The following MAF variants were observed in gnomAD, a reference collection of about 807,000 sequenced individuals.
The protein encoded by MAF is transcription factor Maf.
A neutral mutation model predicts 22.0 loss-of-function variants in MAF; 10 were observed. The ratio of observed to expected loss-of-function variants is 0.45; its 90% confidence interval spans 0.28 to 0.77. The LOEUF (loss-of-function observed/expected upper bound fraction) is 0.77, where lower values mean the gene tolerates loss of function less well. MAF is among the 30% of genes least tolerant of loss of function. The pLI is 0.12. For synonymous variants in MAF, 337 were observed against 255.8 expected, an observed-to-expected ratio of 1.32 and a Z score of -3.03; for missense variants, 544 against 548.4, an observed-to-expected ratio of 0.99 and a Z score of 0.08.
chr16:79,321,198 G>A, the MAF span, among the ~76,000 whole-genome samples: 138,400 of 152,232 alleles, frequency 0.91, 63,337 homozygotes, highest in Non-Finnish European at 0.96. Context: ...CTCCACCAGG[G>A]AAATTCCACA....
chr16:79,280,052 G>A, the MAF span, among the ~76,000 whole-genome samples: 1 of 152,196 alleles, frequency 6.6e-6, no homozygotes, highest in African/African-American at 2.4e-5. Context: ...TGATGATGAT[G>A]TGAGGCCACA....
chr16:79,228,906 C>T, the MAF span, among the ~76,000 whole-genome samples: 1 of 151,854 alleles, frequency 6.6e-6, no homozygotes, highest in East Asian at 1.9e-4. Context: ...GTTCCTCCCT[C>T]CAGCAACATC....
the MAF span, among the ~76,000 whole-genome samples, chr16:79,343,305 T>C: frequency 6.6e-6 from 1 of 151,990 alleles, no homozygotes; most frequent in East Asian, 1.9e-4. Flanking sequence ...CTCATGAGTG[T>C]CTCGCAGCAT....
At chr16:79,266,739 T>G in the MAF span, among the ~76,000 whole-genome samples, 1 of 152,190 alleles carries the variant, frequency 6.6e-6, no homozygotes, top group Non-Finnish European at 1.5e-5. Flanking sequence ...GGTCATGTAA[T>G]AAACATTTTT....
At chr16:79,509,559 C>A in the MAF span, among the ~76,000 whole-genome samples, 1 of 152,242 alleles carries the variant, frequency 6.6e-6, no homozygotes, top group Non-Finnish European at 1.5e-5. Flanking sequence ...TCCCGCCTCC[C>A]ACCCGCCTTC....
At chr16:79,357,253 C>CTCA in the MAF span, among the ~76,000 whole-genome samples, 3,269 of 146,040 alleles carry the variant, frequency 0.022, 128 homozygotes, top group African/African-American at 0.079. Flanking sequence ...AAGACTCTGT[C>CTCA]ACAACAACAA....
chr16:79,499,111 C>A, the MAF span, among the ~76,000 whole-genome samples: 1 of 152,208 alleles, frequency 6.6e-6, no homozygotes, highest in Non-Finnish European at 1.5e-5. Context: ...TACTCGAAGC[C>A]AACTTGCAAT....
chr16:79,278,779 G>A, the MAF span, among the ~76,000 whole-genome samples: 1 of 152,164 alleles, frequency 6.6e-6, no homozygotes, highest in Admixed American at 6.5e-5. Context: ...CAGGGGGACA[G>A]GAGATGGCTC....
the MAF span, among the ~76,000 whole-genome samples, chr16:79,265,280 A>AATCCTGACTATC: frequency 6.6e-6 from 1 of 152,196 alleles, no homozygotes; most frequent in African/African-American, 2.4e-5. Context: ...ACAATACTTT[A>AATCCTGACTATC]ATCCTGACTA....
At chr16:79,463,383 T>C in the MAF span, among the ~76,000 whole-genome samples, 2 of 152,226 alleles carry the variant, frequency 1.3e-5, no homozygotes, top group African/African-American at 2.4e-5. Flanking sequence ...CTTACCTTGA[T>C]GCCCTGAAAG....
the MAF span, among the ~76,000 whole-genome samples, chr16:79,333,516 C>T: frequency 6.6e-6 from 1 of 152,124 alleles, no homozygotes; most frequent in African/African-American, 2.4e-5. Context: ...ACCCAAGACC[C>T]CAGGAGGCAT....
At chr16:79,234,652 G>A in the MAF span, among the ~76,000 whole-genome samples, 1 of 152,076 alleles carries the variant, frequency 6.6e-6, no homozygotes, top group African/African-American at 2.4e-5. Flanking sequence ...AACTGGCCAA[G>A]CCCACACCTT....
the MAF span, among the ~76,000 whole-genome samples, chr16:79,555,764 T>C: frequency 6.6e-6 from 1 of 152,214 alleles, no homozygotes; most frequent in Non-Finnish European, 1.5e-5. Flanking sequence ...TCCAAGACAC[T>C]TCTGATCTCA....
the MAF span, among the ~76,000 whole-genome samples, chr16:79,215,925 T>C: frequency 6.6e-6 from 1 of 152,172 alleles, no homozygotes. Flanking sequence ...CTCATGCCCA[T>C]TTCTCCCTGA....
the MAF span, among the ~76,000 whole-genome samples, chr16:79,361,678 T>A: frequency 6.6e-6 from 1 of 151,564 alleles, no homozygotes; most frequent in African/African-American, 2.4e-5. Context: ...CACGAAAGAT[T>A]GGTTTTTTTT....
chr16:79,271,674 T>A, the MAF span, among the ~76,000 whole-genome samples: 301 of 152,350 alleles, frequency 2.0e-3, no homozygotes, highest in African/African-American at 6.9e-3. Context: ...TCAATATCCA[T>A]CTCTACTGCT....
the MAF span, among the ~76,000 whole-genome samples, chr16:79,430,774 C>A: frequency 2.0e-5 from 3 of 152,236 alleles, no homozygotes; most frequent in Non-Finnish European, 2.9e-5. Flanking sequence ...GTGAGCACGG[C>A]CCCCAGTCCC....
chr16:79,598,911 T>G lies in MAF; in HGVS notation c.992A>C (p.Lys331Thr), dbSNP rs1913774587. ...NQLLQQVDHLKQEISRLVRER... is the reference protein window; with the variant it reads ...NQLLQQVDHLTQEISRLVRER... ...GCGCACCAGCCTGGAGATCTCCTGC[T>G]TGAGGTGGTCGACTTGCTGCAGCAG... The change falls in exon 1 of 2, where the codon AAG becomes ACG. Residue 331 changes from lysine to threonine, a missense_variant. Around this residue, in one of 5 missense-constraint regions of MAF, gnomAD observed 129 missense variants for 113.6 expected, o/e 1.14. Coordinates refer to ENST00000326043, the MANE Select transcript of MAF (RefSeq NM_005360.5). The G allele has an allele frequency of 4.3e-6, 7 of 1,613,592 alleles. No homozygotes were observed. The highest frequency in any genetic ancestry group is 5.1e-6 in the Non-Finnish European group (6 of 1,179,950).
the MAF span, among the ~76,000 whole-genome samples, chr16:79,468,095 A>G: frequency 1.3e-5 from 2 of 152,224 alleles, no homozygotes; most frequent in Admixed American, 1.3e-4. Context: ...TCAGGTAATA[A>G]GTTGACAAAG....
Sources: gnomAD v4.1 joint callset for allele counts (sites outside exome capture counted in the v4.1 genomes callset) on GRCh38, gnomAD v4.1.1 for gene constraint, gnomAD v4.1.1 regional missense constraint, MANE v1.5 for transcripts, NCBI Gene and HGNC (gene_info 2026-07-23, HGNC 2026-07-21) for gene names.